The following FGF1 variants were observed in gnomAD, a reference collection of about 807,000 sequenced individuals.
FGF1 encodes beta-endothelial cell growth factor.
FGF1 carries 9 observed loss-of-function variants against 13.4 expected under a neutral mutation model. The observed-to-expected ratio is 0.67, with a 90% CI of 0.40 to 1.17. The LOEUF is 1.17. FGF1 is among the 50% of genes most tolerant of loss of function. The pLI, the probability that FGF1 is intolerant of heterozygous loss-of-function variation, is 0.01. For missense variants in FGF1, 156 were observed against 192.7 expected, an observed-to-expected ratio of 0.81 and a Z score of 1.13; for synonymous variants, 93 against 79.0, an observed-to-expected ratio of 1.18 and a Z score of -0.94.
At chr5:142,648,131 A>T (rs150297170) in intron 1 of FGF1, among the ~76,000 whole-genome samples, 1 of 152,256 alleles carries the variant, frequency 6.6e-6, no homozygotes, top group African/African-American at 2.4e-5. Context: ...AGCATTTTGG[A>T]CTTAACGATT....
chr5:142,619,344 C>T (rs1761007118), intron 1 of FGF1, among the ~76,000 whole-genome samples: 1 of 152,176 alleles, frequency 6.6e-6, no homozygotes, highest in South Asian at 2.1e-4. Flanking sequence ...TAGACAGACA[C>T]CTGCTAAGGT....
At chr5:142,623,029 C>A (rs1432347526) in intron 1 of FGF1, among the ~76,000 whole-genome samples, 1 of 152,198 alleles carries the variant, frequency 6.6e-6, no homozygotes, top group Non-Finnish European at 1.5e-5. Context: ...ATTATTAAAC[C>A]ATTAATATCT....
chr5:142,608,749 G>C (rs1015691400), intron 2 of FGF1, among the ~76,000 whole-genome samples: 1 of 144,260 alleles, frequency 6.9e-6, no homozygotes, highest in African/African-American at 2.5e-5. Context: ...TATATATATA[G>C]TATATATACA....
intron 1 of FGF1, among the ~76,000 whole-genome samples, chr5:142,618,719 C>T (rs1414450505): frequency 6.6e-6 from 1 of 152,012 alleles, no homozygotes; most frequent in Non-Finnish European, 1.5e-5. Flanking sequence ...AAGAAAAAAT[C>T]CTGGTCTGCA....
chr5:142,696,182 T>A (rs930926898), intron 2 of FGF1, among the ~76,000 whole-genome samples: 4 of 152,200 alleles, frequency 2.6e-5, no homozygotes, highest in African/African-American at 9.6e-5. Flanking sequence ...CCTTTTCCAC[T>A]AATAATTATC....
intron 1 of FGF1, among the ~76,000 whole-genome samples, chr5:142,625,579 G>A (rs1325649334): frequency 2.0e-5 from 3 of 152,098 alleles, no homozygotes; most frequent in Non-Finnish European, 4.4e-5. Context: ...AACTTTAATG[G>A]TACACCACGG....
chr5:142,665,930 T>A (rs142418912), intron 1 of FGF1, among the ~76,000 whole-genome samples: 258 of 152,256 alleles, frequency 1.7e-3, no homozygotes, highest in African/African-American at 6.0e-3. Flanking sequence ...AGCTAATGAC[T>A]TCCCCCTAGG....
At chr5:142,695,173 A>G (rs962514584) in intron 2 of FGF1, among the ~76,000 whole-genome samples, 4 of 152,210 alleles carry the variant, frequency 2.6e-5, no homozygotes, top group Admixed American at 1.3e-4. Flanking sequence ...TAATAGCAGT[A>G]CTTGCCTCGT....
In FGF1 at chr5:142,614,078, T is replaced by A; in HGVS notation, c.50A>T (p.Asn17Ile). ...CTTCTTGTAATTCCCTGGAGGCAGA[T>A]TAAACTTCTCGGTCAGGGCTGTGAA... Reference protein sequence around the residue: ...TTFTALTEKFNLPPGNYKKPK... With the variant: ...TTFTALTEKFILPPGNYKKPK... Residue 17 changes from asparagine (N) to isoleucine (I), a missense_variant, in exon 2 of 4, where the codon AAT (asparagine) becomes ATT (isoleucine). Coordinates refer to ENST00000337706, the MANE Select transcript of FGF1 (RefSeq NM_000800.5). The A allele has an allele frequency of 2.5e-6, 4 of 1,614,206 alleles. No individual in the cohort carries two copies. The South Asian group carries it at 3.3e-5, about 13-fold the overall frequency.
intron 1 of FGF1, among the ~76,000 whole-genome samples, chr5:142,659,764 G>A (rs1768853854): frequency 6.6e-6 from 1 of 152,234 alleles, no homozygotes; most frequent in Admixed American, 6.5e-5. Context: ...CTGGAACACA[G>A]CTGAGGGGTG....
chr5:142,648,940 C>T (rs539840386), intron 1 of FGF1, among the ~76,000 whole-genome samples: 22 of 152,228 alleles, frequency 1.4e-4, no homozygotes, highest in Non-Finnish European at 2.6e-4. Flanking sequence ...TAGACCTAGA[C>T]AGATCCAGGA....
chr5:142,693,649 C>T (rs992091676), intron 2 of FGF1, among the ~76,000 whole-genome samples: 1 of 152,014 alleles, frequency 6.6e-6, no homozygotes, highest in African/African-American at 2.4e-5. Flanking sequence ...TTTTTGTCAC[C>T]CCCCAAAGAA....
At chr5:142,598,338 G>A (rs1191184671) in intron 3 of FGF1, among the ~76,000 whole-genome samples, 3 of 152,152 alleles carry the variant, frequency 2.0e-5, no homozygotes, top group African/African-American at 4.8e-5. Flanking sequence ...GCGGTGCTCC[G>A]TCCCTCCACC....
At chr5:142,689,054 A>T (rs1200694176), upstream of FGF1, among the ~76,000 whole-genome samples, 3 of 151,904 alleles carry the variant, frequency 2.0e-5, no homozygotes, top group Non-Finnish European at 4.4e-5. Context: ...CAATATATAC[A>T]TTTTTTTTCT....
chr5:142,650,312 A>G (rs1766996985), intron 1 of FGF1, among the ~76,000 whole-genome samples: 1 of 152,220 alleles, frequency 6.6e-6, no homozygotes, highest in Non-Finnish European at 1.5e-5. Flanking sequence ...ATTTATCAAG[A>G]TAACATTGCA....
intron 1 of FGF1, among the ~76,000 whole-genome samples, chr5:142,650,970 G>A (rs978108346): frequency 4.6e-5 from 7 of 152,036 alleles, no homozygotes; most frequent in East Asian, 1.9e-4. Context: ...CATTCCTAGC[G>A]TGCACACAGC....
chr5:142,606,244 G>GTGTGTGTGTA (rs757287377), intron 2 of FGF1, among the ~76,000 whole-genome samples: 200 of 147,946 alleles, frequency 1.4e-3, no homozygotes, highest in Admixed American at 1.6e-3. Context: ...GTGTGTGTGT[G>GTGTGTGTGTA]TATGTAGTTT....
chr5:142,645,516 C>A (rs764999879), intron 1 of FGF1, among the ~76,000 whole-genome samples: 1 of 152,164 alleles, frequency 6.6e-6, no homozygotes, highest in Non-Finnish European at 1.5e-5. Flanking sequence ...TGACTCCAAG[C>A]AAGCCCTCTA....
At chr5:142,607,127 A>G (rs367641533) in intron 2 of FGF1, among the ~76,000 whole-genome samples, 7 of 152,172 alleles carry the variant, frequency 4.6e-5, no homozygotes, top group East Asian at 3.9e-4. Flanking sequence ...TTTATGACCC[A>G]GCTTAGGTTT....
Sources: gnomAD v4.1 joint callset for allele counts (sites outside exome capture counted in the v4.1 genomes callset) on GRCh38, gnomAD v4.1.1 for gene constraint, MANE v1.5 for transcripts, NCBI Gene and HGNC (gene_info 2026-07-23, HGNC 2026-07-21) for gene names.